BACE2: variants seen among roughly 807,000 people sequenced by gnomAD.
BACE2 encodes 56 kDa aspartic-like protease.
A neutral mutation model predicts 46.2 loss-of-function variants in BACE2; 17 were observed. The ratio of observed to expected loss-of-function variants is 0.37; its 90% CI spans 0.25 to 0.55. The LOEUF is 0.55. BACE2 is among the 20% of genes least tolerant of loss of function. BACE2 has a pLI of 0.82. For missense variants in BACE2, 595 were observed against 698.1 expected, an observed-to-expected ratio of 0.85 and a Z score of 1.66; for synonymous variants, 277 against 295.9, an observed-to-expected ratio of 0.94 and a Z score of 0.66.
At chr21:41,174,668 C>G (rs1160110207) in intron 1 of BACE2, among the ~76,000 whole-genome samples, 2 of 152,066 alleles carry the variant, frequency 1.3e-5, no homozygotes, top group African/African-American at 2.4e-5. Flanking sequence ...TGACTCTTGC[C>G]CCAACCCCAC....
rs964866120 is a variant in BACE2 at position 41,249,799 on chromosome 21, G to A, written c.985-953G>A. Among the ~76,000 whole-genome samples, 11 of 152,270 alleles carry A rather than the reference G, an allele frequency of 7.2e-5. No homozygotes were observed. The South Asian group carries it at 1.0e-3, about 14-fold the overall frequency. Reference sequence around the variant, plus strand: ...CAGATACAGTCCTTCCTCAGCAGCCGGCAGACCCAGGGTGGACTGCTCGGG... The same window carrying A: ...CAGATACAGTCCTTCCTCAGCAGCCAGCAGACCCAGGGTGGACTGCTCGGG... On this transcript the variant is annotated intron_variant, in intron 6 of 8. Transcript: ENST00000330333.
intron 7 of BACE2, among the ~76,000 whole-genome samples, chr21:41,256,727 T>G (rs1987796904): frequency 6.6e-6 from 1 of 152,210 alleles, no homozygotes; most frequent in Non-Finnish European, 1.5e-5. Flanking sequence ...ATGTCTCATG[T>G]CTCTCAAAAT....
intron 1 of BACE2, among the ~76,000 whole-genome samples, chr21:41,221,380 A>C (rs1356027995): frequency 6.6e-6 from 1 of 152,092 alleles, no homozygotes; most frequent in African/African-American, 2.4e-5. Context: ...CAGCTCGAAA[A>C]CTGTGTGTGC....
At chr21:41,199,787 C>A (rs1406810805) in intron 1 of BACE2, among the ~76,000 whole-genome samples, 1 of 152,168 alleles carries the variant, frequency 6.6e-6, no homozygotes, top group Non-Finnish European at 1.5e-5. Flanking sequence ...TGCCCTGCCC[C>A]TCAGGCCAGG....
At chr21:41,265,798 T>A (rs1988052753) in intron 8 of BACE2, among the ~76,000 whole-genome samples, 1 of 152,234 alleles carries the variant, frequency 6.6e-6, no homozygotes, top group African/African-American at 2.4e-5. Context: ...ATGTTTACTT[T>A]GTATATTTAA....
At chr21:41,242,810 G>T (rs953410938) in intron 4 of BACE2, among the ~76,000 whole-genome samples, 1 of 152,158 alleles carries the variant, frequency 6.6e-6, no homozygotes, top group Non-Finnish European at 1.5e-5. Context: ...CTTTGGATAA[G>T]AGAAACCTCC....
intron 8 of BACE2, among the ~76,000 whole-genome samples, chr21:41,259,559 T>G (rs1987875563): frequency 6.6e-6 from 1 of 152,148 alleles, no homozygotes; most frequent in Non-Finnish European, 1.5e-5. Context: ...TTTAATATTT[T>G]GTCATATTTT....
chr21:41,173,186 T>C (rs886101804), intron 1 of BACE2, among the ~76,000 whole-genome samples: 11 of 152,222 alleles, frequency 7.2e-5, no homozygotes, highest in Non-Finnish European at 1.3e-4. Flanking sequence ...CCACAACAAG[T>C]TCATTCTAAG....
intron 1 of BACE2, among the ~76,000 whole-genome samples, chr21:41,209,039 G>A (rs1338713994): frequency 2.0e-5 from 3 of 152,184 alleles, no homozygotes; most frequent in South Asian, 2.1e-4. Context: ...CACTCAGGCC[G>A]CTCCCAAACG....
Position 41,199,035 on chromosome 21 carries a change from C to G in BACE2, c.313-27231C>G, listed in dbSNP as rs1327512348. On this transcript the variant is annotated intron_variant, in intron 1 of 8. Coordinates refer to ENST00000330333, the MANE Select transcript of BACE2 (RefSeq NM_012105.5). ...ATCCCTCCCCCCTCCCCCCACCCCA[C>G]GACAGGCCCCCATGTGTGATGTTCC... Among the ~76,000 whole-genome samples, 3 of 122,542 alleles carry G rather than the reference C, an allele frequency of 2.4e-5. No individual in the cohort carries two copies. In the South Asian group the frequency reaches 9.8e-4, roughly 40 times the overall value. The allele number at this position is 122,542 out of a possible 152,430, so 80.4% of individuals were successfully genotyped here. A position where few individuals can be genotyped will look rare whatever the true frequency, so the allele number is the denominator to read the frequency against.
Position 41,281,557 on chromosome 21 carries a change from A to C in BACE2, c.*5933A>C, listed in dbSNP as rs2088549492. The C allele has an allele frequency of 6.6e-6, 1 of 152,226 alleles. No individual in the cohort carries two copies. The highest frequency in any genetic ancestry group is 2.4e-5 in the African/African-American group (1 of 41,462). 9.4% of individuals were successfully genotyped at this position (152,226 alleles called of 1,614,324 possible). ...TGTGGAGGTCATTGCAAGTTCCCTGATATGAGTATGGTTTCGCTTGCTACA... is the reference window on the plus strand; with the variant it reads ...TGTGGAGGTCATTGCAAGTTCCCTGCTATGAGTATGGTTTCGCTTGCTACA... On this transcript the variant is annotated 3_prime_UTR_variant, in exon 9 of 9. Coordinates refer to ENST00000330333, the MANE Select transcript of BACE2 (RefSeq NM_012105.5).
intron 8 of BACE2, among the ~76,000 whole-genome samples, chr21:41,261,355 A>T (rs950127904): frequency 3.3e-5 from 5 of 152,198 alleles, no homozygotes; most frequent in Non-Finnish European, 7.3e-5. Context: ...TACTTTCAAG[A>T]TCATACAACT....
chr21:41,205,152 A>T (rs1413348083), intron 1 of BACE2, among the ~76,000 whole-genome samples: 1 of 152,226 alleles, frequency 6.6e-6, no homozygotes, highest in East Asian at 1.9e-4. Context: ...GATTTTAAGA[A>T]GATTTCATTG....
At chr21:41,274,637 TG>T (rs1368103608) in intron 8 of BACE2, among the ~76,000 whole-genome samples, 1 of 152,178 alleles carries the variant, frequency 6.6e-6, no homozygotes, top group Non-Finnish European at 1.5e-5. Flanking sequence ...ACTTCCTTCT[TG>T]GTTTGAAGTT....
chr21:41,257,957 G>C (rs1454444339), intron 8 of BACE2, among the ~76,000 whole-genome samples: 1 of 152,186 alleles, frequency 6.6e-6, no homozygotes. Context: ...TTGAAACGGA[G>C]TGCTCACACC....
Position 41,275,503 on chromosome 21 carries a change from G to T in BACE2, c.1436G>T (p.Cys479Phe), listed in dbSNP as rs773746532. ...WIVSYALMSV[C>F]GAILLVLIVL... ...GTGTCCTATGCGCTCATGAGCGTCT[G>T]TGGAGCCATCCTCCTTGTCTTAATC... Residue 479 changes from cysteine to phenylalanine, a missense_variant, in exon 9 of 9, where the codon TGT becomes TTT. By Grantham distance (205) the Cys-to-Phe change is radical. This residue lies in a region of BACE2 where 343 missense variants were observed against 419.4 expected (regional missense o/e 0.82). Coordinates refer to ENST00000330333, the MANE Select transcript of BACE2 (RefSeq NM_012105.5). 2 of 1,614,134 alleles carry T rather than the reference G, an allele frequency of 1.2e-6. No individual in the cohort carries two copies. Among genetic ancestry groups the T allele is most frequent in the South Asian group, 1.1e-5 (1 of 91,080 alleles).
At chr21:41,198,606 A>G (rs1431495658) in intron 1 of BACE2, among the ~76,000 whole-genome samples, 1 of 152,210 alleles carries the variant, frequency 6.6e-6, no homozygotes, top group Non-Finnish European at 1.5e-5. Context: ...AGCTTCCAAC[A>G]GGGGTCTCCA....
At chr21:41,211,769 A>T (rs746424665) in intron 1 of BACE2, among the ~76,000 whole-genome samples, 14 of 152,276 alleles carry the variant, frequency 9.2e-5, no homozygotes, top group African/African-American at 3.4e-4. Context: ...AGAGAGTAAT[A>T]TCTGAGAAAT....
intron 1 of BACE2, among the ~76,000 whole-genome samples, chr21:41,198,725 G>GT (rs778509017): frequency 4.6e-5 from 7 of 151,922 alleles, no homozygotes; most frequent in African/African-American, 4.8e-5. Context: ...GTTTTGTTTT[G>GT]TTTTTTGTTT....
Sources: gnomAD v4.1 joint callset for allele counts (sites outside exome capture counted in the v4.1 genomes callset) on GRCh38, gnomAD v4.1.1 for gene constraint, gnomAD v4.1.1 regional missense constraint, MANE v1.5 for transcripts, NCBI Gene and HGNC (gene_info 2026-07-23, HGNC 2026-07-21) for gene names.